DPP6: variants seen among roughly 807,000 people sequenced by gnomAD.
DPP6 encodes the protein dipeptidyl peptidase like 6, also known as A-type potassium channel modulatory protein DPP6.
In DPP6, 69 loss-of-function variants were observed where a neutral mutation model predicts 122.6. That is an observed-to-expected ratio of 0.56 (90% CI 0.46 to 0.69). The LOEUF (loss-of-function observed/expected upper bound fraction) is 0.69, where lower values mean the gene tolerates loss of function less well. Ranked by LOEUF, DPP6 falls within the 30% of genes least tolerant of loss-of-function variation. The pLI is 0.00. For missense variants in DPP6, 928 were observed against 1,116.9 expected (o/e 0.83, Z 2.41); for synonymous variants, 418 against 433.1 (o/e 0.97, Z 0.43).
chr7:154,471,182 C>T (rs1040364463), intron 2 of DPP6, among the ~76,000 whole-genome samples: 2 of 152,084 alleles, frequency 1.3e-5, no homozygotes, highest in South Asian at 4.2e-4. Flanking sequence ...ATGTTGGAGG[C>T]GGAGGTTGCA....
intron 3 of DPP6, among the ~76,000 whole-genome samples, chr7:154,513,431 C>T (rs1826236384): frequency 6.6e-6 from 1 of 150,730 alleles, no homozygotes; most frequent in African/African-American, 2.4e-5. Flanking sequence ...TTAATGTGCC[C>T]AATTAATCTT....
chr7:154,521,021 T>A (rs1315574576), intron 3 of DPP6, among the ~76,000 whole-genome samples: 1 of 152,228 alleles, frequency 6.6e-6, no homozygotes, highest in Non-Finnish European at 1.5e-5. Context: ...ATACTTGTTA[T>A]TGATTTGCTC....
In DPP6 at chr7:154,060,167, A is replaced by AG. The variant is rs567272376; in HGVS notation, c.243+7111dup. ...CCCTGGCTCTTTGCACCCCCATCGC[A>AG]GGGGGGGAGGCACCCCTCACGACAC... On this transcript the variant is annotated intron_variant, in intron 1 of 25. Transcript: ENST00000377770. 2.6e-3 allele frequency among the ~76,000 whole-genome samples: 371 copies of AG among 144,218 alleles called. 2 individuals carry two copies. Among genetic ancestry groups the AG allele is most frequent in the Non-Finnish European group, 4.3e-3 (285 of 65,900 alleles). The allele number at this position is 144,218 out of a possible 152,430, so 94.6% of individuals were successfully genotyped here. A position where few individuals can be genotyped will look rare whatever the true frequency, so the allele number is the denominator to read the frequency against.
intron 1 of DPP6, among the ~76,000 whole-genome samples, chr7:154,320,249 C>T (rs749318715): frequency 9.9e-5 from 15 of 152,092 alleles, no homozygotes; most frequent in Middle Eastern, 3.4e-3. Flanking sequence ...TTTACACTGA[C>T]GGTGCCTCTC....
chr7:154,497,239 C>G (rs73729312), intron 3 of DPP6, among the ~76,000 whole-genome samples: 12,065 of 152,136 alleles, frequency 0.079, 1,531 homozygotes, highest in African/African-American at 0.27. Context: ...TTGTACTATA[C>G]CTTCAACCTG....
intron 1 of DPP6, among the ~76,000 whole-genome samples, chr7:153,986,292 CT>C (rs1055634784): frequency 6.6e-6 from 1 of 152,012 alleles, no homozygotes; most frequent in African/African-American, 2.4e-5. Flanking sequence ...TTTTCAGTGC[CT>C]TTTTTTCTAT....
In DPP6 at chr7:154,709,193, A is replaced by G. The variant is rs569156723; in HGVS notation, c.763-18574A>G. Among the ~76,000 whole-genome samples the G allele has an allele frequency of 5.9e-5, 9 of 152,310 alleles. No homozygotes were observed. The South Asian group carries it at 1.2e-3, about 21-fold the overall frequency. ...ATCTTGAAGGAAATGAAATACAACA[A>G]AGTTGATTTGTGTATGTTTTGTAGA... On this transcript the variant is annotated intron_variant, in intron 7 of 25. Transcript: ENST00000377770.
At chr7:154,718,261 C>T (rs947708123) in intron 7 of DPP6, among the ~76,000 whole-genome samples, 9 of 150,562 alleles carry the variant, frequency 6.0e-5, no homozygotes, top group East Asian at 1.9e-4. Flanking sequence ...TTACTGTAAT[C>T]GCCTTTTTCT....
chr7:153,831,107 G>A, the DPP6 span, among the ~76,000 whole-genome samples: 5 of 152,130 alleles, frequency 3.3e-5, no homozygotes, highest in South Asian at 6.2e-4. Context: ...TAATTTTACC[G>A]ATTTTATTGT....
intron 4 of DPP6, among the ~76,000 whole-genome samples, chr7:154,545,000 C>T (rs1206047629): frequency 6.6e-6 from 1 of 152,202 alleles, no homozygotes; most frequent in Non-Finnish European, 1.5e-5. Context: ...CCTCATGAAG[C>T]TGGATGTAGC....
In DPP6 at chr7:154,241,515, A is replaced by C. The variant is rs1235353069; in HGVS notation, c.243+188452A>C. ...AAGGAGGTTGCAGTGAGTTGTGGTCACTCCACTGCACTGCAGCCTGAGTAA... is the reference window on the plus strand; with the variant it reads ...AAGGAGGTTGCAGTGAGTTGTGGTCCCTCCACTGCACTGCAGCCTGAGTAA... On this transcript the variant is annotated intron_variant, in intron 1 of 25. Transcript: ENST00000377770. The surrounding 1 kb of genome is among the most constrained non-coding windows in gnomAD (Gnocchi z 9.0). Among the ~76,000 whole-genome samples the C allele has an allele frequency of 6.6e-6, 1 of 151,790 alleles. No individual in the cohort carries two copies. The highest frequency in any genetic ancestry group is 1.5e-5 in the Non-Finnish European group (1 of 67,980).
chr7:154,779,077 C>CCATT (rs1563201253), intron 10 of DPP6, among the ~76,000 whole-genome samples: 14 of 1,218 alleles, frequency 0.011, no homozygotes, highest in Non-Finnish European at 0.023. Context: ...TCACCTCCAT[C>CCATT]ACCTCCACAA....
At chr7:154,672,765 A>G (rs1337547379) in intron 7 of DPP6, among the ~76,000 whole-genome samples, 3 of 152,176 alleles carry the variant, frequency 2.0e-5, no homozygotes, top group African/African-American at 4.8e-5. Flanking sequence ...TGAGTACCCT[A>G]TGTGCTGGAG....
chr7:153,989,065 CT>C lies in DPP6; in HGVS notation c.51+101333del, dbSNP rs1462952048. Reference sequence around the variant, plus strand: ...CCCTGCCCTTTCCCAGAGAGCCCAGCTTCAGGGACAGCGCCCGCGAGGTGCT... The same window carrying C: ...CCCTGCCCTTTCCCAGAGAGCCCAGCTCAGGGACAGCGCCCGCGAGGTGCT... On this transcript the variant is annotated intron_variant, in intron 1 of 25. Transcript: ENST00000404039. Among the ~76,000 whole-genome samples the C allele has an allele frequency of 2.0e-4, 30 of 150,828 alleles. No individual in the cohort carries two copies. In the East Asian group the frequency reaches 5.6e-3, roughly 28 times the overall value.
intron 5 of DPP6, among the ~76,000 whole-genome samples, chr7:154,602,251 GTA>G (rs1300892970): frequency 2.5e-5 from 3 of 120,408 alleles, no homozygotes; most frequent in African/African-American, 7.9e-5. Context: ...GCCTACAGCA[GTA>G]TTCTTCCATC....
intron 1 of DPP6, among the ~76,000 whole-genome samples, chr7:154,027,391 C>G (rs995018125): frequency 6.6e-6 from 1 of 152,158 alleles, no homozygotes; most frequent in Non-Finnish European, 1.5e-5. Context: ...TTGAAAAGCA[C>G]TTGGCCGTCT....
At chr7:154,874,495 A>T (rs1804682968) in intron 19 of DPP6, among the ~76,000 whole-genome samples, 1 of 152,124 alleles carries the variant, frequency 6.6e-6, no homozygotes, top group South Asian at 2.1e-4. Flanking sequence ...TAGCAAGGAG[A>T]TCTGGAGTCC....
At chr7:153,843,702 G>C in the DPP6 span, among the ~76,000 whole-genome samples, 3 of 152,154 alleles carry the variant, frequency 2.0e-5, no homozygotes, top group Non-Finnish European at 4.4e-5. Context: ...AGTATGCAGA[G>C]ATAAGAACTT....
intron 16 of DPP6, among the ~76,000 whole-genome samples, chr7:154,809,866 T>TTTGTTGTTG (rs200841399): frequency 6.6e-6 from 1 of 152,098 alleles, no homozygotes; most frequent in African/African-American, 2.4e-5. Context: ...CAACAGCTTA[T>TTTGTTGTTG]TTGTTGTTGT....
Sources: gnomAD v4.1 joint callset for allele counts (sites outside exome capture counted in the v4.1 genomes callset) on GRCh38, gnomAD v4.1.1 for gene constraint, Gnocchi (gnomAD v3.1) non-coding constraint, MANE v1.5 for transcripts, NCBI Gene and HGNC (gene_info 2026-07-23, HGNC 2026-07-21) for gene names.